MTR: variants seen among roughly 807,000 people sequenced by gnomAD.
MTR encodes 5-methyltetrahydrofolate-homocysteine methyltransferase.
In MTR, 84 loss-of-function variants were observed where a neutral mutation model predicts 154.8. That is an observed-to-expected ratio of 0.54 (90% CI 0.45 to 0.65). The LOEUF (loss-of-function observed/expected upper bound fraction) is 0.65, where lower values mean the gene tolerates loss of function less well. Among genes scored for constraint, MTR ranks in the 30% least tolerant of loss-of-function variants. The pLI is 0.00. For synonymous variants in MTR, 554 were observed against 553.9 expected, an observed-to-expected ratio of 1.00 and a Z score of 0.00; for missense variants, 1,275 against 1,570.2, an observed-to-expected ratio of 0.81 and a Z score of 3.18.
intron 16 of MTR, among the ~76,000 whole-genome samples, chr1:236,850,922 G>A (rs1269767621): frequency 6.6e-6 from 1 of 152,156 alleles, no homozygotes; most frequent in African/African-American, 2.4e-5. Flanking sequence ...TCCCAAAATA[G>A]AGCATAGCTA....
At chr1:236,819,139 G>A (rs923087625) in intron 8 of MTR, among the ~76,000 whole-genome samples, 4 of 152,036 alleles carry the variant, frequency 2.6e-5, no homozygotes, top group African/African-American at 9.7e-5. Context: ...TTTACCTTAG[G>A]GTTCATTCTT....
intron 14 of MTR, among the ~76,000 whole-genome samples, chr1:236,837,264 G>A (rs1383371726): frequency 1.3e-5 from 2 of 152,096 alleles, no homozygotes; most frequent in Admixed American, 6.5e-5. Context: ...AAAACTGGTA[G>A]CGTGCCTTTT....
intron 13 of MTR, among the ~76,000 whole-genome samples, chr1:236,832,804 A>G (rs1662688332): frequency 6.6e-6 from 1 of 152,186 alleles, no homozygotes; most frequent in Non-Finnish European, 1.5e-5. Flanking sequence ...ATAACAAGGA[A>G]AGGACCATTT....
intron 24 of MTR, among the ~76,000 whole-genome samples, chr1:236,878,276 T>C (rs1412286152): frequency 6.6e-6 from 1 of 152,150 alleles, no homozygotes; most frequent in African/African-American, 2.4e-5. Context: ...TTGCTAGAAA[T>C]AGAAAGCATT....
At chr1:236,832,712 A>G (rs1294181162) in intron 13 of MTR, among the ~76,000 whole-genome samples, 1 of 152,210 alleles carries the variant, frequency 6.6e-6, no homozygotes, top group Non-Finnish European at 1.5e-5. Flanking sequence ...ATGATAATTA[A>G]CTTTATCATC....
At position 236,897,645 on chromosome 1, in the gene MTR, C is replaced by T; in HGVS notation, c.*1C>T. 2.0e-6 allele frequency: 3 copies of T among 1,505,674 alleles called. No homozygotes were observed. Among genetic ancestry groups the T allele is most frequent in the Non-Finnish European group, 1.8e-6 (2 of 1,095,416 alleles). 93.3% of individuals were successfully genotyped at this position (1,505,674 alleles called of 1,614,324 possible). A position where few individuals can be genotyped will look rare whatever the true frequency, so the allele number is the denominator to read the frequency against. ...CATTTTGGGATATGATACAGACTAACTTTTTTTTTTTTTTTGCCTTTTTTA... is the reference window on the plus strand; with the variant it reads ...CATTTTGGGATATGATACAGACTAATTTTTTTTTTTTTTTTGCCTTTTTTA... On this transcript the variant is annotated 3_prime_UTR_variant, in exon 33 of 33. Coordinates refer to ENST00000366577, the MANE Select transcript of MTR (RefSeq NM_000254.3).
chr1:236,855,612 C>G (rs979908021), intron 18 of MTR, among the ~76,000 whole-genome samples: 1 of 152,176 alleles, frequency 6.6e-6, no homozygotes, highest in Non-Finnish European at 1.5e-5. Context: ...TCACATTCTT[C>G]CTTGGCTTTC....
rs150365053 is a variant in MTR, at chr1:236,902,941, T to C, written c.*5297T>C. The C allele has an allele frequency of 3.9e-5, 6 of 152,288 alleles. No homozygotes were observed. The East Asian group carries it at 1.2e-3, about 29-fold the overall frequency. The allele number at this position is 152,288 out of a possible 1,614,324, so 9.4% of individuals were successfully genotyped here. A position where few individuals can be genotyped will look rare whatever the true frequency, so the allele number is the denominator to read the frequency against. ...TGAAAGTATATTCTGATTCGGTGTGTGTATAAGGAAATATACACCAGTATA... is the reference window on the plus strand; with the variant it reads ...TGAAAGTATATTCTGATTCGGTGTGCGTATAAGGAAATATACACCAGTATA... On this transcript the variant is annotated 3_prime_UTR_variant, in exon 33 of 33. Coordinates refer to ENST00000366577, the MANE Select transcript of MTR (RefSeq NM_000254.3).
At chr1:236,874,653 C>T in intron 23 of MTR, 73 bp from the exon 24 acceptor site, 1 of 1,273,594 alleles carries the variant, frequency 7.9e-7, no homozygotes, top group Non-Finnish European at 1.1e-6. Context: ...AATGGATCTT[C>T]ATCCTTTTCC....
chr1:236,870,102 T>C (rs1045412354), intron 22 of MTR, among the ~76,000 whole-genome samples: 2 of 152,192 alleles, frequency 1.3e-5, no homozygotes, highest in African/African-American at 4.8e-5. Flanking sequence ...CTGTCCTACA[T>C]GGGTTGACCA....
Position 236,900,409 on chromosome 1 carries a change from T to TA in MTR, c.*2774dup, listed in dbSNP as rs34686098. ...TACGTATACAATAAAACTATGCTAT[T>TA]AAAAAAAAAGAAGGTAACTGATAAA... On this transcript the variant is annotated 3_prime_UTR_variant, in exon 33 of 33. Coordinates refer to ENST00000366577, the MANE Select transcript of MTR (RefSeq NM_000254.3). The TA allele has an allele frequency of 0.72, 99,554 of 137,612 alleles. 32,941 individuals carry two copies. Among genetic ancestry groups the TA allele is most frequent in the South Asian group, 0.75 (3,397 of 4,520 alleles). 8.5% of individuals were successfully genotyped at this position (137,612 alleles called of 1,614,324 possible).
At position 236,795,537 on chromosome 1, in the gene MTR, G is replaced by A; in HGVS notation, c.-167G>A. On this transcript the variant is annotated 5_prime_UTR_variant, in exon 1 of 33. Transcript: ENST00000366577. The stretch of plus-strand genomic sequence containing the variant: ...AGGCCCTAGGGCGCTGCGGGCTTTC[G>A]GGGTCCGCAGTCCCCCCGCGACGCG... 6.5e-7 allele frequency: 1 copy of A among 1,532,612 alleles called. No homozygotes were observed. Among genetic ancestry groups the A allele is most frequent in the East Asian group, 2.5e-5 (1 of 40,710 alleles). 94.9% of individuals were successfully genotyped at this position (1,532,612 alleles called of 1,614,324 possible).
intron 19 of MTR, 27 bp from the exon 20 acceptor site, chr1:236,861,098 T>TTTTTTTTTTTTTTTTTTTTTTTTTTTTC: frequency 2.8e-6 from 1 of 361,098 alleles, no homozygotes; most frequent in African/African-American, 3.3e-5. Flanking sequence ...TTTCTTTTTC[T>TTTTTTTTTTTTTTTTTTTTTTTTTTTTC]TTTTTTTTTT....
At chr1:236,802,357 G>A (rs1660744389) in intron 1 of MTR, among the ~76,000 whole-genome samples, 1 of 152,112 alleles carries the variant, frequency 6.6e-6, no homozygotes, top group African/African-American at 2.4e-5. Context: ...AGGTGTTTTT[G>A]ATATTTAGAA....
chr1:236,885,967 T>C (rs1422203131), intron 26 of MTR, among the ~76,000 whole-genome samples: 1 of 152,162 alleles, frequency 6.6e-6, no homozygotes, highest in Non-Finnish European at 1.5e-5. Flanking sequence ...GGGTGGGCCA[T>C]GGAAGACCAG....
At chr1:236,827,709 C>T (rs896641205) in intron 11 of MTR, among the ~76,000 whole-genome samples, 2 of 152,050 alleles carry the variant, frequency 1.3e-5, no homozygotes, top group Non-Finnish European at 2.9e-5. Context: ...TTCAAGTGTG[C>T]ATATGAAGGA....
At chr1:236,889,407 A>G in intron 28 of MTR, 71 bp downstream of exon 28, 2 of 1,591,798 alleles carry the variant, frequency 1.3e-6, no homozygotes, top group South Asian at 2.2e-5. Context: ...GAAGACCGGA[A>G]TCGGTGAGGA....
At chr1:236,808,277 C>G (rs1475977159) in intron 3 of MTR, among the ~76,000 whole-genome samples, 2 of 152,190 alleles carry the variant, frequency 1.3e-5, no homozygotes, top group African/African-American at 4.8e-5. Flanking sequence ...GTACATGAAT[C>G]AAGGCCTGGA....
At chr1:236,816,010 G>A (rs776530576) in intron 7 of MTR, among the ~76,000 whole-genome samples, 12 of 152,182 alleles carry the variant, frequency 7.9e-5, no homozygotes, top group Non-Finnish European at 1.3e-4. Flanking sequence ...TAAGACACCA[G>A]ACTGCCAATT....
Sources: allele counts gnomAD v4.1 joint callset (sites outside exome capture counted in the v4.1 genomes callset), GRCh38; gene constraint gnomAD v4.1.1; transcripts MANE v1.5; gene names NCBI Gene and HGNC (gene_info 2026-07-23, HGNC 2026-07-21).